The following SAMTOR variants were observed in gnomAD, a reference collection of about 807,000 sequenced individuals.
SAMTOR encodes the protein UPF0532 protein C7orf60.
the SAMTOR span, among the ~76,000 whole-genome samples, chr7:112,935,436 T>G: frequency 6.6e-6 from 1 of 152,196 alleles, no homozygotes; most frequent in South Asian, 2.1e-4. Context: ...TCCCCCACAA[T>G]TCTCATTTTA....
the SAMTOR span, among the ~76,000 whole-genome samples, chr7:112,826,175 C>T: frequency 2.6e-5 from 4 of 151,960 alleles, no homozygotes; most frequent in Non-Finnish European, 4.4e-5. Context: ...AGAGTAATGG[C>T]CTCATAGAAT....
At chr7:112,871,233 C>T in the SAMTOR span, among the ~76,000 whole-genome samples, 2 of 152,194 alleles carry the variant, frequency 1.3e-5, no homozygotes, top group Non-Finnish European at 2.9e-5. Context: ...GTCATCTACA[C>T]ACAGAACGTA....
the SAMTOR span, chr7:112,915,213 G>C: frequency 7.8e-7 from 1 of 1,279,064 alleles, no homozygotes; most frequent in Admixed American, 2.4e-5. Context: ...CTCCAGCCTG[G>C]GTGACAGAGC....
the SAMTOR span, among the ~76,000 whole-genome samples, chr7:112,897,716 G>A: frequency 7.9e-5 from 12 of 152,278 alleles, no homozygotes; most frequent in Non-Finnish European, 1.3e-4. Flanking sequence ...GCCACTCAAA[G>A]TACAGAGTCA....
chr7:112,930,723 T>C, the SAMTOR span, among the ~76,000 whole-genome samples: 1 of 152,212 alleles, frequency 6.6e-6, no homozygotes, highest in African/African-American at 2.4e-5. Context: ...GTTTCCTATA[T>C]GCCAAATGTT....
At chr7:112,934,271 G>A in the SAMTOR span, among the ~76,000 whole-genome samples, 2 of 152,114 alleles carry the variant, frequency 1.3e-5, no homozygotes, top group Admixed American at 6.6e-5. Context: ...ACCCCACTGT[G>A]CAGTTTACTT....
the SAMTOR span, among the ~76,000 whole-genome samples, chr7:112,882,219 C>A: frequency 6.6e-6 from 1 of 152,206 alleles, no homozygotes; most frequent in South Asian, 2.1e-4. Context: ...CCACTCTGCA[C>A]CTGGCTTGCC....
chr7:112,886,913 T>A, the SAMTOR span, among the ~76,000 whole-genome samples: 10 of 152,158 alleles, frequency 6.6e-5, no homozygotes, highest in Non-Finnish European at 1.5e-4. Flanking sequence ...ACTCCTGTAA[T>A]CCCAGCACTT....
At chr7:112,833,871 C>T in the SAMTOR span, among the ~76,000 whole-genome samples, 1 of 152,068 alleles carries the variant, frequency 6.6e-6, no homozygotes, top group African/African-American at 2.4e-5. Context: ...CATGTAATTA[C>T]CACTCAGGTC....
chr7:112,883,720 G>C, the SAMTOR span, among the ~76,000 whole-genome samples: 1 of 152,220 alleles, frequency 6.6e-6, no homozygotes, highest in Non-Finnish European at 1.5e-5. Context: ...TGGAAAGTAT[G>C]ATGATGACAT....
At chr7:112,822,767 C>G in the SAMTOR span, among the ~76,000 whole-genome samples, 1 of 151,694 alleles carries the variant, frequency 6.6e-6, no homozygotes, top group African/African-American at 2.4e-5. Context: ...ACAAGAAATA[C>G]CATGAAATAA....
the SAMTOR span, among the ~76,000 whole-genome samples, chr7:112,828,738 A>G: frequency 2.6e-5 from 4 of 152,052 alleles, no homozygotes; most frequent in African/African-American, 4.8e-5. Context: ...GTGTAGAGCC[A>G]TATTTCTAAC....
chr7:112,862,271 A>C, the SAMTOR span, among the ~76,000 whole-genome samples: 11 of 152,172 alleles, frequency 7.2e-5, no homozygotes, highest in Non-Finnish European at 1.6e-4. Context: ...GAGACAAACA[A>C]AACATGGAAA....
the SAMTOR span, among the ~76,000 whole-genome samples, chr7:112,927,088 T>G: frequency 6.6e-6 from 1 of 152,038 alleles, no homozygotes; most frequent in Non-Finnish European, 1.5e-5. Context: ...TTTTTGTTTT[T>G]ATAGTATTTA....
At chr7:112,859,495 T>C in the SAMTOR span, among the ~76,000 whole-genome samples, 1 of 152,186 alleles carries the variant, frequency 6.6e-6, no homozygotes, top group East Asian at 1.9e-4. Flanking sequence ...ACTACACTTT[T>C]GTTATATTAG....
At chr7:112,877,997 C>T in the SAMTOR span, among the ~76,000 whole-genome samples, 7 of 152,198 alleles carry the variant, frequency 4.6e-5, no homozygotes, top group South Asian at 2.1e-4. Context: ...GTAAATTATC[C>T]GGTCTCAGGT....
the SAMTOR span, among the ~76,000 whole-genome samples, chr7:112,938,050 A>G: frequency 6.6e-6 from 1 of 152,160 alleles, no homozygotes; most frequent in Non-Finnish European, 1.5e-5. Flanking sequence ...AGATGCACTT[A>G]AATTTGTACA....
At chr7:112,897,176 G>T in the SAMTOR span, among the ~76,000 whole-genome samples, 1 of 152,122 alleles carries the variant, frequency 6.6e-6, no homozygotes, top group Non-Finnish European at 1.5e-5. Flanking sequence ...GTGTGGGGAC[G>T]AGTGCAAAGG....
chr7:112,901,863 T>C, the SAMTOR span, among the ~76,000 whole-genome samples: 1 of 152,216 alleles, frequency 6.6e-6, no homozygotes, highest in Admixed American at 6.5e-5. Flanking sequence ...GCTTTATTCA[T>C]AATTATCAAA....
Sources: allele counts gnomAD v4.1 joint callset (sites outside exome capture counted in the v4.1 genomes callset), GRCh38; gene constraint gnomAD v4.1.1; transcripts MANE v1.5; gene names NCBI Gene and HGNC (gene_info 2026-07-23, HGNC 2026-07-21).